Variants in CCDC171 observed in about 807,000 individuals in gnomAD.
CCDC171 encodes coiled-coil domain containing 171.
In CCDC171, 177 loss-of-function variants were observed where a neutral mutation model predicts 168.2. The ratio of observed to expected loss-of-function variants is 1.05; its 90% CI spans 0.93 to 1.19. CCDC171 has a LOEUF of 1.19. Among genes scored for constraint, CCDC171 ranks in the 50% most tolerant of loss-of-function variants. CCDC171 has a pLI of 0.00. For missense variants in CCDC171, 1,991 were observed against 1,539.0 expected, an observed-to-expected ratio of 1.29 and a Z score of -4.91; for synonymous variants, 687 against 540.8, an observed-to-expected ratio of 1.27 and a Z score of -3.75.
At chr9:15,594,387 T>A (rs2042194115) in intron 6 of CCDC171, among the ~76,000 whole-genome samples, 1 of 152,118 alleles carries the variant, frequency 6.6e-6, no homozygotes, top group East Asian at 1.9e-4. Context: ...ATTGCATACC[T>A]TATGTGATTT....
intron 21 of CCDC171, among the ~76,000 whole-genome samples, chr9:15,826,341 G>GA (rs2060011163): frequency 6.8e-6 from 1 of 147,876 alleles, no homozygotes; most frequent in Non-Finnish European, 1.5e-5. Flanking sequence ...TTTTTATGCT[G>GA]AAGGCCATGG....
In CCDC171 at chr9:15,907,410, C is replaced by G. The variant is rs187469479; in HGVS notation, c.3601-12860C>G. Among the ~76,000 whole-genome samples, 711 of 152,142 alleles carry G rather than the reference C, an allele frequency of 4.7e-3. 2 individuals are homozygous for G. The highest frequency in any genetic ancestry group is 0.012 in the African/African-American group (501 of 41,510). On this transcript the variant is annotated intron_variant, in intron 24 of 25. Transcript: ENST00000380701. ...CTGACAAAAACAAGAAATGGGGAAA[C>G]GATTCCCTATTTAATAAATGGTGCT...
At chr9:15,940,726 A>T (rs1564031972) in intron 25 of CCDC171, among the ~76,000 whole-genome samples, 1 of 151,910 alleles carries the variant, frequency 6.6e-6, no homozygotes, top group Non-Finnish European at 1.5e-5. Flanking sequence ...TGTGTGGTGG[A>T]AAGCAAACTG....
At chr9:15,558,168 A>G (rs1166132504) in intron 1 of CCDC171, among the ~76,000 whole-genome samples, 3 of 151,966 alleles carry the variant, frequency 2.0e-5, no homozygotes, top group African/African-American at 4.8e-5. Flanking sequence ...TTTTGCATCA[A>G]TGTTCATCAG....
chr9:15,554,673 C>T (rs1200312225), intron 1 of CCDC171, among the ~76,000 whole-genome samples: 5 of 152,104 alleles, frequency 3.3e-5, no homozygotes, highest in African/African-American at 1.2e-4. Flanking sequence ...CAAACTTCCC[C>T]TTTAAAGGTT....
intron 6 of CCDC171, among the ~76,000 whole-genome samples, chr9:15,610,819 A>C (rs1313411705): frequency 6.6e-6 from 1 of 152,048 alleles, no homozygotes; most frequent in Non-Finnish European, 1.5e-5. Flanking sequence ...TTGGCCTCCC[A>C]AAATCCTGGG....
intron 23 of CCDC171, among the ~76,000 whole-genome samples, chr9:15,871,203 G>C (rs2131173450): frequency 6.6e-6 from 1 of 151,702 alleles, no homozygotes; most frequent in South Asian, 2.1e-4. Flanking sequence ...TATAACATTT[G>C]ATAACAGATT....
At chr9:15,679,599 G>C (rs1370047319) in intron 10 of CCDC171, among the ~76,000 whole-genome samples, 1 of 152,288 alleles carries the variant, frequency 6.6e-6, no homozygotes, top group East Asian at 1.9e-4. Context: ...GCCCAGGCTA[G>C]AGTGCAGTGG....
At chr9:15,619,287 G>A (rs1471099418) in intron 6 of CCDC171, among the ~76,000 whole-genome samples, 2 of 152,160 alleles carry the variant, frequency 1.3e-5, no homozygotes, top group Non-Finnish European at 2.9e-5. Flanking sequence ...ACCAGTACAG[G>A]CCAAACGCTA....
chr9:15,904,743 C>G (rs1822263863), intron 24 of CCDC171, among the ~76,000 whole-genome samples: 1 of 152,032 alleles, frequency 6.6e-6, no homozygotes, highest in African/African-American at 2.4e-5. Context: ...GATAAAGAGT[C>G]AAGACCCATC....
At chr9:15,984,756 C>G (rs1831931397) in intron 3 of CCDC171, among the ~76,000 whole-genome samples, 1 of 152,038 alleles carries the variant, frequency 6.6e-6, no homozygotes, top group Non-Finnish European at 1.5e-5. Flanking sequence ...AAAATCTGCT[C>G]TATAAATTTT....
intron 9 of CCDC171, among the ~76,000 whole-genome samples, chr9:15,667,231 C>T (rs1047161772): frequency 2.0e-5 from 3 of 152,106 alleles, no homozygotes; most frequent in African/African-American, 7.2e-5. Context: ...ATTCATACTA[C>T]CATTAGTATG....
chr9:15,706,741 C>T (rs1181036666), intron 11 of CCDC171, among the ~76,000 whole-genome samples: 2 of 152,082 alleles, frequency 1.3e-5, no homozygotes, highest in Admixed American at 6.6e-5. Context: ...GGGTGGTTGA[C>T]TTTCATGTTC....
chr9:15,688,867 G>T (rs2050592316), intron 10 of CCDC171, among the ~76,000 whole-genome samples: 1 of 152,050 alleles, frequency 6.6e-6, no homozygotes, highest in African/African-American at 2.4e-5. Context: ...TATTAGGCAA[G>T]AAAAAGAAAT....
intron 3 of CCDC171, among the ~76,000 whole-genome samples, chr9:15,577,604 C>G (rs2040773324): frequency 6.6e-6 from 1 of 152,194 alleles, no homozygotes; most frequent in Admixed American, 6.5e-5. Flanking sequence ...AGCAATATTA[C>G]TGGGTGTTTA....
intron 6 of CCDC171, among the ~76,000 whole-genome samples, chr9:15,607,932 A>C (rs941184640): frequency 4.6e-5 from 7 of 152,276 alleles, no homozygotes; most frequent in Admixed American, 4.6e-4. Context: ...TTAATTTATA[A>C]AGAAAAAGAA....
chr9:15,766,545 G>C (rs1368790153), intron 18 of CCDC171, among the ~76,000 whole-genome samples: 1 of 152,078 alleles, frequency 6.6e-6, no homozygotes, highest in Non-Finnish European at 1.5e-5. Flanking sequence ...AAATAAGGCA[G>C]AATTTCTGAT....
intron 23 of CCDC171, among the ~76,000 whole-genome samples, chr9:15,869,672 G>A (rs1486222839): frequency 6.6e-6 from 1 of 151,762 alleles, no homozygotes; most frequent in Non-Finnish European, 1.5e-5. Context: ...ACTAGAATAA[G>A]TGGTCAGTAG....
At chr9:15,843,248 A>G (rs1049860955) in intron 21 of CCDC171, among the ~76,000 whole-genome samples, 3 of 152,112 alleles carry the variant, frequency 2.0e-5, no homozygotes, top group Non-Finnish European at 4.4e-5. Flanking sequence ...TTGGGATACC[A>G]TTGTAAAAAT....
Sources: allele counts gnomAD v4.1 joint callset (sites outside exome capture counted in the v4.1 genomes callset), GRCh38; gene constraint gnomAD v4.1.1; transcripts MANE v1.5; gene names NCBI Gene and HGNC (gene_info 2026-07-23, HGNC 2026-07-21).